Variants in SUCLG2 observed in about 807,000 individuals in gnomAD.
SUCLG2 encodes succinate-CoA ligase GDP-forming subunit beta, also known as succinate--CoA ligase [GDP-forming] subunit beta, mitochondrial.
A neutral mutation model predicts 47.9 loss-of-function variants in SUCLG2; 42 were observed. The ratio of observed to expected loss-of-function variants is 0.88; its 90% confidence interval spans 0.69 to 1.14. SUCLG2 has a LOEUF of 1.14. Among genes scored for constraint, SUCLG2 ranks in the 50% most tolerant of loss-of-function variants. The probability of loss-of-function intolerance (pLI) is 0.00; values close to 1 mark genes in which losing one functional copy is unlikely to be tolerated. For missense variants in SUCLG2, 571 were observed against 525.9 expected, an observed-to-expected ratio of 1.09 and a Z score of -0.84; for synonymous variants, 195 against 197.3, an observed-to-expected ratio of 0.99 and a Z score of 0.10.
intron 4 of SUCLG2, among the ~76,000 whole-genome samples, chr3:67,522,020 G>A (rs552077608): frequency 6.9e-6 from 1 of 144,022 alleles, no homozygotes; most frequent in Admixed American, 7.5e-5. Flanking sequence ...ATTTAACCAT[G>A]TTCCTGCATT....
intron 9 of SUCLG2, among the ~76,000 whole-genome samples, chr3:67,415,175 G>A (rs923002648): frequency 5.9e-5 from 9 of 152,258 alleles, no homozygotes; most frequent in Middle Eastern, 3.4e-3. Context: ...AAATATTTCT[G>A]CATATAATGA....
chr3:67,540,496 G>C (rs941151193), intron 2 of SUCLG2, among the ~76,000 whole-genome samples: 7 of 152,160 alleles, frequency 4.6e-5, no homozygotes, highest in Admixed American at 3.3e-4. Context: ...TGCCTGTCTA[G>C]ATTCCTCCTC....
At chr3:67,530,839 G>A (rs1030119266) in intron 2 of SUCLG2, among the ~76,000 whole-genome samples, 10 of 152,170 alleles carry the variant, frequency 6.6e-5, no homozygotes, top group Non-Finnish European at 1.3e-4. Flanking sequence ...CCATCAAGCT[G>A]AGTAGAAGAC....
intron 10 of SUCLG2, among the ~76,000 whole-genome samples, chr3:67,397,197 G>A (rs1361685645): frequency 7.2e-5 from 11 of 151,984 alleles, no homozygotes; most frequent in Non-Finnish European, 1.2e-4. Context: ...AGAAGGAAAT[G>A]AAGGGTATTC....
chr3:67,538,434 C>G (rs1706607066), intron 2 of SUCLG2, among the ~76,000 whole-genome samples: 1 of 152,126 alleles, frequency 6.6e-6, no homozygotes, highest in South Asian at 2.1e-4. Flanking sequence ...GTTTTCGTAC[C>G]AGTACCATGC....
At chr3:67,568,656 G>A (rs968113949) in intron 2 of SUCLG2, among the ~76,000 whole-genome samples, 3 of 152,182 alleles carry the variant, frequency 2.0e-5, no homozygotes, top group Admixed American at 6.5e-5. Context: ...GGGAGGCCGA[G>A]GCGGGCGGAT....
intron 1 of SUCLG2, among the ~76,000 whole-genome samples, chr3:67,628,698 G>C (rs780684783): frequency 6.6e-6 from 1 of 152,160 alleles, no homozygotes; most frequent in Non-Finnish European, 1.5e-5. Flanking sequence ...TGCACATGCT[G>C]TCTTGCCTGC....
chr3:67,499,010 T>G (rs1368715070), intron 7 of SUCLG2, among the ~76,000 whole-genome samples: 1 of 152,188 alleles, frequency 6.6e-6, no homozygotes, highest in South Asian at 2.1e-4. Flanking sequence ...GCAGGAATTG[T>G]GCAATATGAA....
intron 2 of SUCLG2, among the ~76,000 whole-genome samples, chr3:67,561,097 A>G (rs1460918389): frequency 6.7e-6 from 1 of 149,588 alleles, no homozygotes; most frequent in Non-Finnish European, 1.5e-5. Context: ...GATGGCTAAC[A>G]TTTTCTTCCT....
intron 10 of SUCLG2, among the ~76,000 whole-genome samples, chr3:67,393,356 A>G (rs1702440023): frequency 6.6e-6 from 1 of 152,234 alleles, no homozygotes; most frequent in South Asian, 2.1e-4. Flanking sequence ...AAAACGGCGC[A>G]CCAGGAGATT....
rs375173919 is a variant in SUCLG2, at chr3:67,458,404, G to C, written c.1062+37394C>G. ...ATTTGAATAACGCCTCCTATAATAA[G>C]TCGAGGGGGTAGGGCTTTACTGCAT... On this transcript the variant is annotated intron_variant, in intron 9 of 10. Transcript: ENST00000307227. Among the ~76,000 whole-genome samples, 40 of 152,222 alleles carry C rather than the reference G, an allele frequency of 2.6e-4. No individual in the cohort carries two copies. In the South Asian group the frequency reaches 7.7e-3, roughly 29 times the overall value.
chr3:67,452,487 A>C (rs976887043), intron 9 of SUCLG2, among the ~76,000 whole-genome samples: 1 of 152,196 alleles, frequency 6.6e-6, no homozygotes, highest in Non-Finnish European at 1.5e-5. Flanking sequence ...TAATACTTTT[A>C]ACAGACTAAG....
At chr3:67,429,380 C>T (rs181220420) in intron 9 of SUCLG2, among the ~76,000 whole-genome samples, 2 of 152,212 alleles carry the variant, frequency 1.3e-5, no homozygotes, top group East Asian at 3.9e-4. Flanking sequence ...GAAATAAAAT[C>T]CTTTACGGGC....
intron 9 of SUCLG2, among the ~76,000 whole-genome samples, chr3:67,424,229 A>T (rs1703242589): frequency 6.6e-6 from 1 of 152,206 alleles, no homozygotes. Context: ...CTGATATACA[A>T]TGGTGAGGGG....
rs968005214 is a variant in SUCLG2, at chr3:67,375,883, C to A, written c.1184-24G>T. 2.5e-6 allele frequency: 4 copies of A among 1,608,100 alleles called. No homozygotes were observed. The African/African-American group carries it at 4.0e-5, about 16-fold the overall frequency. On this transcript the variant is annotated intron_variant, in intron 10 of 10. Transcript: ENST00000307227. ...TCCTAGAAGGGGGACAGGGAACAAT[C>A]ACTGAATGAAACTAGAGGTGGCGCC...
At chr3:67,399,192 G>GA (rs1237007120) in intron 10 of SUCLG2, among the ~76,000 whole-genome samples, 1 of 150,824 alleles carries the variant, frequency 6.6e-6, no homozygotes, top group Admixed American at 6.6e-5. Flanking sequence ...TAAAAAAAAA[G>GA]AAAAAAAATT....
At chr3:67,361,671 C>T (rs550975555) in intron 10 of SUCLG2, among the ~76,000 whole-genome samples, 6 of 152,314 alleles carry the variant, frequency 3.9e-5, no homozygotes, top group Admixed American at 1.3e-4. Context: ...ATTGCATTAA[C>T]GGCCCAATTC....
At chr3:67,545,550 G>C (rs1367197050) in intron 2 of SUCLG2, among the ~76,000 whole-genome samples, 1 of 152,132 alleles carries the variant, frequency 6.6e-6, no homozygotes, top group African/African-American at 2.4e-5. Context: ...AACACAGAGG[G>C]GACTTTAGAT....
intron 9 of SUCLG2, among the ~76,000 whole-genome samples, chr3:67,422,977 T>G (rs1280020765): frequency 2.6e-5 from 4 of 152,186 alleles, no homozygotes; most frequent in Admixed American, 6.5e-5. Context: ...ACAAATTTAT[T>G]AGGCTGAAGA....
Sources: allele counts gnomAD v4.1 joint callset (sites outside exome capture counted in the v4.1 genomes callset), GRCh38; gene constraint gnomAD v4.1.1; transcripts MANE v1.5; gene names NCBI Gene and HGNC (gene_info 2026-07-23, HGNC 2026-07-21).